Variants in PALLD observed in about 807,000 individuals in gnomAD.
The protein encoded by PALLD is palladin, cytoskeletal associated protein, also known as palladin.
A neutral mutation model predicts 123.5 loss-of-function variants in PALLD; 61 were observed. The observed-to-expected ratio is 0.49, with a 90% confidence interval of 0.40 to 0.61. PALLD has a LOEUF of 0.61. PALLD is among the 20% of genes least tolerant of loss of function. PALLD has a pLI of 0.00. For synonymous variants in PALLD, 465 were observed against 496.4 expected (o/e 0.94, Z 0.84); for missense variants, 1,273 against 1,377.0 (o/e 0.92, Z 1.20).
chr4:168,751,701 C>T (rs79995325), intron 10 of PALLD, among the ~76,000 whole-genome samples: 3,699 of 152,254 alleles, frequency 0.024, 97 homozygotes, highest in South Asian at 0.14. Flanking sequence ...AGCATGCACA[C>T]GTATCATGTT....
intron 17 of PALLD, among the ~76,000 whole-genome samples, chr4:168,920,702 G>A (rs1206798415): frequency 2.6e-5 from 4 of 152,122 alleles, no homozygotes; most frequent in Admixed American, 2.6e-4. Context: ...CCATTGTGAT[G>A]GTAATTTGTT....
intron 3 of PALLD, among the ~76,000 whole-genome samples, chr4:168,673,004 G>A (rs941070783): frequency 1.3e-5 from 2 of 152,024 alleles, no homozygotes; most frequent in African/African-American, 4.8e-5. Context: ...TCATCACTGG[G>A]GCAGCTACAG....
At chr4:168,786,164 C>T (rs1407913530) in intron 10 of PALLD, among the ~76,000 whole-genome samples, 2 of 151,442 alleles carry the variant, frequency 1.3e-5, no homozygotes, top group Non-Finnish European at 2.9e-5. Context: ...CCCGTCTCTA[C>T]TAAAAATACA....
At chr4:168,682,930 A>G in intron 4 of PALLD, 68 bp from the exon 5 acceptor site, 1 of 453,414 alleles carries the variant, frequency 2.2e-6, no homozygotes, top group Non-Finnish European at 3.6e-6. Context: ...TATTTCTGCT[A>G]AAAAAAAAAA....
chr4:168,799,706 C>T (rs1739039895), intron 10 of PALLD, among the ~76,000 whole-genome samples: 1 of 152,054 alleles, frequency 6.6e-6, no homozygotes, highest in Non-Finnish European at 1.5e-5. Flanking sequence ...TAGATGGGTT[C>T]CTGAAAGAGC....
intron 2 of PALLD, among the ~76,000 whole-genome samples, chr4:168,619,706 G>A (rs1052327763): frequency 2.0e-5 from 3 of 152,176 alleles, no homozygotes; most frequent in East Asian, 1.9e-4. Context: ...TACTTATGAC[G>A]AGCTCCAGGG....
At chr4:168,739,634 T>C (rs966791761) in intron 10 of PALLD, among the ~76,000 whole-genome samples, 3 of 152,222 alleles carry the variant, frequency 2.0e-5, no homozygotes, top group African/African-American at 7.2e-5. Flanking sequence ...CCAGACTTGA[T>C]CCTTACACAT....
intron 2 of PALLD, among the ~76,000 whole-genome samples, chr4:168,546,035 G>C (rs1766107111): frequency 6.6e-6 from 1 of 152,122 alleles, no homozygotes; most frequent in Non-Finnish European, 1.5e-5. Flanking sequence ...AATGGATTCT[G>C]TTAGGAAAGA....
At chr4:168,853,537 T>C (rs1472699310) in intron 10 of PALLD, among the ~76,000 whole-genome samples, 2 of 152,042 alleles carry the variant, frequency 1.3e-5, no homozygotes, top group African/African-American at 4.8e-5. Flanking sequence ...CTCGTGTGGT[T>C]TGGAGGCCTG....
intron 2 of PALLD, among the ~76,000 whole-genome samples, chr4:168,634,007 G>C (rs1413452100): frequency 6.6e-6 from 1 of 152,084 alleles, no homozygotes; most frequent in Admixed American, 6.6e-5. Context: ...GACAAGACTG[G>C]GTCCTGTGAT....
At chr4:168,880,471 T>G (rs1417499643) in intron 10 of PALLD, among the ~76,000 whole-genome samples, 1 of 152,220 alleles carries the variant, frequency 6.6e-6, no homozygotes, top group Non-Finnish European at 1.5e-5. Flanking sequence ...CCTCAAGGAA[T>G]TTTCCTGTTG....
intron 10 of PALLD, among the ~76,000 whole-genome samples, chr4:168,819,376 T>C (rs959113772): frequency 1.3e-5 from 2 of 151,850 alleles, no homozygotes; most frequent in African/African-American, 4.8e-5. Context: ...TCCTCCGGTA[T>C]AGCTGTGAAT....
intron 10 of PALLD, chr4:168,878,360 A>C: frequency 6.6e-7 from 1 of 1,518,284 alleles, no homozygotes; most frequent in Non-Finnish European, 8.8e-7. Context: ...GGCGGCCGTC[A>C]ACGCCCTGGG....
rs943332659 is a variant in PALLD at position 168,745,415 on chromosome 4, C to G, written c.1964+33492C>G. 1.2e-4 allele frequency among the ~76,000 whole-genome samples: 12 copies of G among 96,276 alleles called. No individual in the cohort carries two copies. The Admixed American group carries it at 1.4e-3, about 11-fold the overall frequency. 63.2% of individuals were successfully genotyped at this position (96,276 alleles called of 152,430 possible). On this transcript the variant is annotated intron_variant, in intron 10 of 21. Transcript: ENST00000505667. ...CTGTGGTGACATCATTAGTTAGAGT[C>G]TGTGAGATGGGAGGGGGGGGCAAAT... is the stretch of plus-strand genomic sequence containing the variant.
chr4:168,562,123 C>A (rs115164584), intron 2 of PALLD, among the ~76,000 whole-genome samples: 2,474 of 152,104 alleles, frequency 0.016, 40 homozygotes, highest in Admixed American at 0.052. Context: ...ATGCAGACAC[C>A]GTACTTCTAA....
intron 10 of PALLD, chr4:168,832,660 C>T: frequency 6.6e-6 from 1 of 152,548 alleles, no homozygotes; most frequent in Non-Finnish European, 1.5e-5. Context: ...AGGGTGGGGA[C>T]GGAGGGGTCC....
At chr4:168,563,590 G>A (rs1768074484) in intron 2 of PALLD, among the ~76,000 whole-genome samples, 1 of 152,102 alleles carries the variant, frequency 6.6e-6, no homozygotes, top group East Asian at 1.9e-4. Flanking sequence ...AATGAATGTA[G>A]ATTTTCAAGT....
intron 10 of PALLD, among the ~76,000 whole-genome samples, chr4:168,796,573 A>ATGCT (rs1468479556): frequency 6.6e-6 from 1 of 152,202 alleles, no homozygotes; most frequent in Non-Finnish European, 1.5e-5. Context: ...ACCATAGCCT[A>ATGCT]TGCTTAATAA....
At chr4:168,626,707 C>T (rs1341895486) in intron 2 of PALLD, among the ~76,000 whole-genome samples, 1 of 147,124 alleles carries the variant, frequency 6.8e-6, no homozygotes, top group Non-Finnish European at 1.5e-5. Context: ...TGAGAACCTG[C>T]CTCCAGGAAA....
Sources: allele counts gnomAD v4.1 joint callset (sites outside exome capture counted in the v4.1 genomes callset), GRCh38; gene constraint gnomAD v4.1.1; transcripts MANE v1.5; gene names NCBI Gene and HGNC (gene_info 2026-07-23, HGNC 2026-07-21).